The following TMED7 variants were observed in gnomAD, a reference collection of about 807,000 sequenced individuals.
The protein encoded by TMED7 is transmembrane p24 trafficking protein 7.
Under a neutral mutation model 23.4 loss-of-function variants are expected in TMED7, and 8 were observed. The observed-to-expected ratio is 0.34, with a 90% CI of 0.20 to 0.62. TMED7 has a LOEUF of 0.62. Ranked by LOEUF, TMED7 falls within the 20% of genes least tolerant of loss-of-function variation. TMED7 has a pLI of 0.77. For synonymous variants in TMED7, 121 were observed against 108.5 expected (o/e 1.12, Z -0.72); for missense variants, 232 against 279.1 (o/e 0.83, Z 1.20).
At position 115,616,258 on chromosome 5, in the gene TMED7, T is replaced by A. The variant is rs772132480; in HGVS notation, c.626A>T (p.Lys209Ile). 6.2e-7 allele frequency: 1 copy of A among 1,614,194 alleles called. No homozygotes were observed. ...GGTTCTTTTATCTGAGAAAAAGCTT[T>A]TCAAAAGAAATACCTGCCCTATGCT... ...VVSIGQVFLL[K>I]SFFSDKRTTT... Residue 209 changes from lysine (K) to isoleucine (I), a missense_variant, in exon 3 of 3, where the codon AAA becomes ATA. Coordinates refer to ENST00000456936, the MANE Select transcript of TMED7 (RefSeq NM_181836.6).
Position 115,625,771 on chromosome 5 carries a change from G to C in TMED7, c.22C>G (p.Gln8Glu), listed in dbSNP as rs1757193344. 1 of 1,476,566 alleles carries C rather than the reference G, an allele frequency of 6.8e-7. No individual in the cohort carries two copies. Among genetic ancestry groups the C allele is most frequent in the Non-Finnish European group, 9.0e-7 (1 of 1,117,060 alleles). 91.5% of individuals were successfully genotyped at this position (1,476,566 alleles called of 1,614,324 possible). A position where few individuals can be genotyped will look rare whatever the true frequency, so the allele number is the denominator to read the frequency against. The stretch of plus-strand genomic sequence containing the variant: ...CGGCCCGCGACGGCCGCCCAGCGCT[G>C]CGCGGACCCCGGCCGCGGCATCCCG... MPRPGSA[Q>E]RWAAVAGRWG... The change falls in exon 1 of 3, where the codon CAG becomes GAG. Residue 8 changes from glutamine to glutamate, a missense_variant. Coordinates refer to ENST00000456936, the MANE Select transcript of TMED7 (RefSeq NM_181836.6).
At chr5:115,622,346 T>C (rs192257874) in intron 1 of TMED7, among the ~76,000 whole-genome samples, 1 of 152,322 alleles carries the variant, frequency 6.6e-6, no homozygotes, top group African/African-American at 2.4e-5. Flanking sequence ...TATCTATCCA[T>C]ATGATCACAC....
chr5:115,617,727 G>T (rs927080855), intron 2 of TMED7, among the ~76,000 whole-genome samples: 1 of 152,260 alleles, frequency 6.6e-6, no homozygotes, highest in Admixed American at 6.5e-5. Flanking sequence ...TGTCCATGGG[G>T]TATGGGTTAA....
Position 115,625,795 on chromosome 5 carries a change from C to A in TMED7, c.-3G>T, listed in dbSNP as rs1307581244. ...TGCGCGGACCCCGGCCGCGGCATCC[C>A]GAGAAGGCGGCGGCGGCCTCAACCG... On this transcript the variant is annotated 5_prime_UTR_variant, in exon 1 of 3. Coordinates refer to ENST00000456936, the MANE Select transcript of TMED7 (RefSeq NM_181836.6). 2 of 1,415,740 alleles carry A rather than the reference C, an allele frequency of 1.4e-6. No individual in the cohort carries two copies. The highest frequency in any genetic ancestry group is 2.9e-5 in the East Asian group (1 of 33,908). 87.7% of individuals were successfully genotyped at this position (1,415,740 alleles called of 1,614,324 possible).
In TMED7 at chr5:115,613,823, T is replaced by C. The variant is rs1441879932; in HGVS notation, c.*2386A>G. 2.0e-5 allele frequency: 3 copies of C among 152,552 alleles called. No homozygotes were observed. The highest frequency in any genetic ancestry group is 4.4e-5 in the Non-Finnish European group (3 of 67,966). The allele number at this position is 152,552 out of a possible 1,614,324, so 9.4% of individuals were successfully genotyped here. On this transcript the variant is annotated 3_prime_UTR_variant, in exon 3 of 3. Transcript: ENST00000456936. ...AACCACAAACCATTTGTTTATTTAA[T>C]AGAAAAAAGAATGTGTAGATTATTA...
chr5:115,622,400 G>A (rs767722508), intron 1 of TMED7, among the ~76,000 whole-genome samples: 8 of 151,960 alleles, frequency 5.3e-5, no homozygotes, highest in South Asian at 2.1e-4. Flanking sequence ...ATCGCATTCC[G>A]AAACCACAAT....
chr5:115,622,418 G>A (rs1369137275), intron 1 of TMED7, among the ~76,000 whole-genome samples: 1 of 152,096 alleles, frequency 6.6e-6, no homozygotes, highest in East Asian at 1.9e-4. Context: ...AATCCAGACA[G>A]GACTATTGCC....
At chr5:115,623,802 T>C (rs1354505046) in intron 1 of TMED7, among the ~76,000 whole-genome samples, 2 of 152,212 alleles carry the variant, frequency 1.3e-5, no homozygotes, top group Admixed American at 6.5e-5. Flanking sequence ...CTATACCTAG[T>C]GTGTACCTTT....
chr5:115,624,569 C>G (rs1441058017), intron 1 of TMED7, among the ~76,000 whole-genome samples: 1 of 152,132 alleles, frequency 6.6e-6, no homozygotes, highest in Non-Finnish European at 1.5e-5. Context: ...TGATGGCTTC[C>G]TACACTTTCA....
In TMED7 at chr5:115,614,342, T is replaced by C. The variant is rs1756602703; in HGVS notation, c.*1867A>G. 2 of 152,676 alleles carry C rather than the reference T, an allele frequency of 1.3e-5. No individual in the cohort carries two copies. Among genetic ancestry groups the C allele is most frequent in the East Asian group, 1.9e-4 (1 of 5,186 alleles). 9.5% of individuals were successfully genotyped at this position (152,676 alleles called of 1,614,324 possible). A position where few individuals can be genotyped will look rare whatever the true frequency, so the allele number is the denominator to read the frequency against. ...AGGCACAGATTAAATGAGTGCACTA[T>C]CTATGCCAAACTCAGCAAGTCTATA... On this transcript the variant is annotated 3_prime_UTR_variant, in exon 3 of 3. Coordinates refer to ENST00000456936, the MANE Select transcript of TMED7 (RefSeq NM_181836.6).
rs1441459588 is a variant in TMED7, at chr5:115,613,597, A to C, written c.*2612T>G. On this transcript the variant is annotated 3_prime_UTR_variant, in exon 3 of 3. Transcript: ENST00000456936. ...CAAAAGTAAATGAAAAACCCCTCTG[A>C]ATTATTTATATATTAATTTTTTGAA... 1.3e-5 allele frequency: 2 copies of C among 152,178 alleles called. No individual in the cohort carries two copies. The highest frequency in any genetic ancestry group is 2.9e-5 in the Non-Finnish European group (2 of 67,982). 9.4% of individuals were successfully genotyped at this position (152,178 alleles called of 1,614,324 possible).
intron 1 of TMED7, among the ~76,000 whole-genome samples, chr5:115,621,403 C>T (rs560147459): frequency 2.0e-5 from 3 of 152,060 alleles, no homozygotes; most frequent in African/African-American, 7.2e-5. Flanking sequence ...AGGAGAGACA[C>T]GTAACTGATT....
chr5:115,616,156 T>C lies in TMED7; in HGVS notation c.*53A>G. On this transcript the variant is annotated 3_prime_UTR_variant, in exon 3 of 3. Transcript: ENST00000456936. ...TAAGTTCTTCAGTACCTAAAATTAA[T>C]TAGAGGACAGCAATATTACAGTGGC... 3.9e-6 allele frequency: 6 copies of C among 1,542,378 alleles called. No individual in the cohort carries two copies. Among genetic ancestry groups the C allele is most frequent in the Non-Finnish European group, 5.4e-6 (6 of 1,119,094 alleles).
At chr5:115,624,558 C>A (rs1369428314) in intron 1 of TMED7, among the ~76,000 whole-genome samples, 4 of 152,220 alleles carry the variant, frequency 2.6e-5, no homozygotes, top group Non-Finnish European at 4.4e-5. Context: ...TTATAACCCT[C>A]TGATGGCTTC....
In TMED7 at chr5:115,625,957, C is replaced by G; in HGVS notation, c.-165G>C. The stretch of plus-strand genomic sequence containing the variant: ...CGGGATCAGAGCGACCCTCCGGCTT[C>G]CTGTGAGGGGCGCAGACGGGCGGAC... On this transcript the variant is annotated 5_prime_UTR_variant, in exon 1 of 3. Transcript: ENST00000456936. 9.9e-7 allele frequency: 1 copy of G among 1,011,550 alleles called. No individual in the cohort carries two copies. The highest frequency in any genetic ancestry group is 1.3e-6 in the Non-Finnish European group (1 of 778,048). 62.7% of individuals were successfully genotyped at this position (1,011,550 alleles called of 1,614,324 possible). A position where few individuals can be genotyped will look rare whatever the true frequency, so the allele number is the denominator to read the frequency against.
chr5:115,624,621 G>A (rs1157327338), intron 1 of TMED7, among the ~76,000 whole-genome samples: 1 of 152,096 alleles, frequency 6.6e-6, no homozygotes, highest in East Asian at 1.9e-4. Context: ...ACACTATCTG[G>A]CCTGCCCCTG....
At chr5:115,625,146 G>A (rs1757156299) in intron 1 of TMED7, among the ~76,000 whole-genome samples, 1 of 152,160 alleles carries the variant, frequency 6.6e-6, no homozygotes, top group Non-Finnish European at 1.5e-5. Flanking sequence ...AACCTGTAAT[G>A]GAGCTCTTCC....
At chr5:115,622,291 A>G (rs1001403721) in intron 1 of TMED7, among the ~76,000 whole-genome samples, 9 of 152,128 alleles carry the variant, frequency 5.9e-5, no homozygotes, top group Non-Finnish European at 8.8e-5. Context: ...AACCTGTCCA[A>G]TCACCTACTA....
At chr5:115,616,559 A>G in intron 2 of TMED7, 114 bp from the exon 3 acceptor site, 1 of 1,459,104 alleles carries the variant, frequency 6.9e-7, no homozygotes, top group Non-Finnish European at 9.3e-7. Context: ...ACATGCTACT[A>G]ATCTGGCATT....
Sources: gnomAD v4.1 joint callset for allele counts (sites outside exome capture counted in the v4.1 genomes callset) on GRCh38, gnomAD v4.1.1 for gene constraint, MANE v1.5 for transcripts, NCBI Gene and HGNC (gene_info 2026-07-23, HGNC 2026-07-21) for gene names.